SLC44A5: variants seen among roughly 807,000 people sequenced by gnomAD.
SLC44A5 encodes choline transporter-like protein 5.
Under a neutral mutation model 101.8 loss-of-function variants are expected in SLC44A5, and 57 were observed. The ratio of observed to expected loss-of-function variants is 0.56; its 90% confidence interval spans 0.45 to 0.70. SLC44A5 has a LOEUF of 0.70. Among genes scored for constraint, SLC44A5 ranks in the 30% least tolerant of loss-of-function variants. SLC44A5 has a pLI of 0.00. For missense variants in SLC44A5, 737 were observed against 853.1 expected (o/e 0.86, Z 1.70); for synonymous variants, 281 against 290.9 (o/e 0.97, Z 0.35).
intron 2 of SLC44A5, among the ~76,000 whole-genome samples, chr1:75,480,307 G>A (rs1667755287): frequency 6.6e-6 from 1 of 152,160 alleles, no homozygotes; most frequent in Non-Finnish European, 1.5e-5. Context: ...TACTGAATGG[G>A]AAAAAACTGG....
At chr1:75,643,490 T>G in the SLC44A5 span, among the ~76,000 whole-genome samples, 1 of 152,202 alleles carries the variant, frequency 6.6e-6, no homozygotes, top group Non-Finnish European at 1.5e-5. Context: ...GTTAACATGA[T>G]AGAAAAAAGA....
chr1:75,668,946 G>A, the SLC44A5 span, among the ~76,000 whole-genome samples: 1 of 151,452 alleles, frequency 6.6e-6, no homozygotes, highest in African/African-American at 2.5e-5. Flanking sequence ...AGTGAGCCAA[G>A]AGTAAGCCAA....
the SLC44A5 span, among the ~76,000 whole-genome samples, chr1:75,698,113 C>T: frequency 6.6e-6 from 1 of 152,198 alleles, no homozygotes; most frequent in African/African-American, 2.4e-5. Flanking sequence ...CTTAGGTAAA[C>T]AAAGCAGCTT....
chr1:75,419,772 A>C (rs1249782), intron 2 of SLC44A5, among the ~76,000 whole-genome samples: 152,191 of 152,232 alleles, frequency 1, 76,075 homozygotes, highest in Middle Eastern at 1. Flanking sequence ...AAAACAATAT[A>C]AATGTATTGT....
intron 1 of SLC44A5, among the ~76,000 whole-genome samples, chr1:75,590,572 G>A (rs1674290307): frequency 6.6e-6 from 1 of 152,108 alleles, no homozygotes; most frequent in South Asian, 2.1e-4. Flanking sequence ...GGAGCCCAGT[G>A]CCCTGAGGGG....
At chr1:75,296,141 C>A (rs780450016) in intron 5 of SLC44A5, among the ~76,000 whole-genome samples, 4 of 152,090 alleles carry the variant, frequency 2.6e-5, no homozygotes, top group Non-Finnish European at 5.9e-5. Context: ...AGCCATGATG[C>A]CATTCCTTTA....
chr1:75,378,756 G>T (rs1660778652), intron 3 of SLC44A5, among the ~76,000 whole-genome samples: 1 of 79,904 alleles, frequency 1.3e-5, no homozygotes, highest in Non-Finnish European at 2.1e-5. Context: ...CTTCCAGCAG[G>T]TCAGGTGCCC....
chr1:75,648,959 T>C, the SLC44A5 span, among the ~76,000 whole-genome samples: 5 of 152,172 alleles, frequency 3.3e-5, no homozygotes, highest in Non-Finnish European at 7.4e-5. Context: ...ATTTTGAAAT[T>C]ACAATAATTT....
intron 2 of SLC44A5, among the ~76,000 whole-genome samples, chr1:75,493,850 T>C (rs1451576249): frequency 6.6e-6 from 1 of 152,074 alleles, no homozygotes. Context: ...AGCTTGTTTA[T>C]AGACTCCTGT....
chr1:75,353,301 T>C (rs566622071), intron 3 of SLC44A5, among the ~76,000 whole-genome samples: 2 of 152,358 alleles, frequency 1.3e-5, no homozygotes, highest in African/African-American at 4.8e-5. Context: ...TCATTTTGAT[T>C]ACAGCTGGAA....
In SLC44A5 at chr1:75,370,158, C is replaced by A. The variant is rs144208747; in HGVS notation, c.52+26425G>T. Among the ~76,000 whole-genome samples, 84 of 152,304 alleles carry A rather than the reference C, an allele frequency of 5.5e-4. No individual in the cohort carries two copies. In the Middle Eastern group the frequency reaches 0.017, roughly 31 times the overall value. On this transcript the variant is annotated intron_variant, in intron 3 of 23. Coordinates refer to ENST00000370859, the MANE Select transcript of SLC44A5 (RefSeq NM_001130058.2). ...AGGCCTGGAACCTGGCAAAGAATGT[C>A]AAGCATCTAAAGCTAATATTCTAGA... is the stretch of plus-strand genomic sequence containing the variant.
At chr1:75,712,713 A>AAAAAAAGAAAAAAAAAAAAAAAAAAAAC in the SLC44A5 span, among the ~76,000 whole-genome samples, 1 of 110,642 alleles carries the variant, frequency 9.0e-6, no homozygotes. Context: ...AAAAAAAAAA[A>AAAAAAAGAAAAAAAAAAAAAAAAAAAAC]ATGGAAAAGA....
intron 7 of SLC44A5, among the ~76,000 whole-genome samples, chr1:75,249,831 CTA>C (rs1649413659): frequency 6.6e-6 from 1 of 152,080 alleles, no homozygotes; most frequent in Admixed American, 6.6e-5. Flanking sequence ...GAGAGGTAGA[CTA>C]TAGAAGACAC....
At chr1:75,311,163 T>C (rs903569586) in intron 4 of SLC44A5, among the ~76,000 whole-genome samples, 2 of 151,942 alleles carry the variant, frequency 1.3e-5, no homozygotes, top group Non-Finnish European at 2.9e-5. Context: ...GTCACCCAAG[T>C]TGGAGTGCAT....
chr1:75,452,794 G>C (rs1170097248), intron 2 of SLC44A5, among the ~76,000 whole-genome samples: 1 of 152,008 alleles, frequency 6.6e-6, no homozygotes, highest in East Asian at 1.9e-4. Flanking sequence ...AAGGGCAAAG[G>C]GGGGCATTAC....
chr1:75,480,886 A>G (rs1025082311), intron 2 of SLC44A5, among the ~76,000 whole-genome samples: 1 of 152,270 alleles, frequency 6.6e-6, no homozygotes, highest in Non-Finnish European at 1.5e-5. Context: ...CTTTCTTCAC[A>G]GAATTGGAAA....
At chr1:75,628,920 G>A in the SLC44A5 span, among the ~76,000 whole-genome samples, 9 of 152,210 alleles carry the variant, frequency 5.9e-5, no homozygotes, top group Admixed American at 1.3e-4. Flanking sequence ...AATTTTGCAA[G>A]GGGGGAAAAG....
intron 7 of SLC44A5, among the ~76,000 whole-genome samples, chr1:75,249,543 A>C (rs1415989677): frequency 6.6e-6 from 1 of 151,976 alleles, no homozygotes; most frequent in Non-Finnish European, 1.5e-5. Flanking sequence ...TATAGGAAGC[A>C]ATGGACAGGG....
intron 2 of SLC44A5, among the ~76,000 whole-genome samples, chr1:75,504,804 C>A (rs1433021007): frequency 6.6e-6 from 1 of 151,946 alleles, no homozygotes; most frequent in Admixed American, 6.6e-5. Context: ...CCGCTCTATC[C>A]CCCAGTTTGT....
Sources: allele counts gnomAD v4.1 joint callset (sites outside exome capture counted in the v4.1 genomes callset), GRCh38; gene constraint gnomAD v4.1.1; transcripts MANE v1.5; gene names NCBI Gene and HGNC (gene_info 2026-07-23, HGNC 2026-07-21).